Variants in PSMD11 observed in about 807,000 individuals in gnomAD.
PSMD11 encodes proteasome 26S subunit, non-ATPase 11, also known as 26S proteasome non-ATPase regulatory subunit 11.
A neutral mutation model predicts 62.3 loss-of-function variants in PSMD11; 5 were observed. That is an observed-to-expected ratio of 0.08 (90% CI 0.04 to 0.17). The LOEUF (loss-of-function observed/expected upper bound fraction) is 0.17, where lower values mean the gene tolerates loss of function less well. Among genes scored for constraint, PSMD11 ranks in the 10% least tolerant of loss-of-function variants. The probability of loss-of-function intolerance (pLI) is 1.00; values close to 1 mark genes in which losing one functional copy is unlikely to be tolerated. For synonymous variants in PSMD11, 191 were observed against 191.8 expected (o/e 1.00, Z 0.03); for missense variants, 310 against 512.9 (o/e 0.60, Z 3.82).
intron 1 of PSMD11, among the ~76,000 whole-genome samples, 195 bp from the exon 2 acceptor site, chr17:32,446,750 T>G (rs1035300181): frequency 2.0e-5 from 3 of 151,796 alleles, no homozygotes; most frequent in Non-Finnish European, 4.4e-5. Context: ...TTTTTTATGA[T>G]TTACATGGAG....
At chr17:32,468,881 T>G in intron 5 of PSMD11, 118 bp from the exon 6 acceptor site, 1 of 1,013,596 alleles carries the variant, frequency 9.9e-7, no homozygotes, top group Non-Finnish European at 1.4e-6. Flanking sequence ...AGGTAACCTT[T>G]TTTGAGTTCA....
intron 1 of PSMD11, 79 bp downstream of exon 1, chr17:32,444,693 C>T: frequency 1.9e-6 from 3 of 1,547,564 alleles, no homozygotes; most frequent in Non-Finnish European, 2.6e-6. Flanking sequence ...GAGAGGGGCC[C>T]GGCTAGCCGG....
intron 1 of PSMD11, 54 bp from the exon 2 acceptor site, chr17:32,446,891 C>A: frequency 7.9e-7 from 1 of 1,268,444 alleles, no homozygotes; most frequent in Non-Finnish European, 1.1e-6. Flanking sequence ...AAATTTCCCT[C>A]AGTCTTCATT....
intron 8 of PSMD11, among the ~76,000 whole-genome samples, chr17:32,475,602 C>CTT (rs1223197720): frequency 2.9e-5 from 4 of 136,886 alleles, no homozygotes; most frequent in Admixed American, 7.3e-5. Context: ...CCCTAATTGG[C>CTT]TTTTTTTTTT....
chr17:32,480,780 A>G lies in PSMD11; in HGVS notation c.*28A>G. On this transcript the variant is annotated 3_prime_UTR_variant, in exon 14 of 14. Coordinates refer to ENST00000261712, the MANE Select transcript of PSMD11 (RefSeq NM_002815.4). ...TTGGATCTGTAGCGGTCCTTTGGAG[A>G]GTGTGTGTGGCGGGAGAGTGAAACC... 1.2e-6 allele frequency: 1 copy of G among 864,986 alleles called. No homozygotes were observed. Among genetic ancestry groups the G allele is most frequent in the Non-Finnish European group, 1.7e-6 (1 of 586,106 alleles). The allele number at this position is 864,986 out of a possible 1,614,324, so 53.6% of individuals were successfully genotyped here. A position where few individuals can be genotyped will look rare whatever the true frequency, so the allele number is the denominator to read the frequency against.
chr17:32,474,457 A>G (rs2150838845), intron 7 of PSMD11, among the ~76,000 whole-genome samples: 1 of 152,358 alleles, frequency 6.6e-6, no homozygotes, highest in African/African-American at 2.4e-5. Context: ...CTATGTTTTA[A>G]TAATACCTGT....
chr17:32,478,739 A>G (rs573522700), intron 9 of PSMD11, among the ~76,000 whole-genome samples: 122 of 151,904 alleles, frequency 8.0e-4, no homozygotes, highest in African/African-American at 2.8e-3. Context: ...CCCCATGGAG[A>G]CCCTATTTAT....
chr17:32,475,259 T>G lies in PSMD11; in HGVS notation c.849+435T>G, dbSNP rs539482637. Among the ~76,000 whole-genome samples, 9 of 152,240 alleles carry G rather than the reference T, an allele frequency of 5.9e-5. No homozygotes were observed. The South Asian group carries it at 1.7e-3, about 28-fold the overall frequency. On this transcript the variant is annotated intron_variant, in intron 8 of 13. Transcript: ENST00000261712. ...GGTGCAGAAACTAGGTTTTGAGATT[T>G]ACTTCTGTGCTTCTCAGATCAGTAC...
chr17:32,456,045 G>T (rs934276426), intron 3 of PSMD11, among the ~76,000 whole-genome samples: 3 of 151,112 alleles, frequency 2.0e-5, no homozygotes, highest in Admixed American at 6.6e-5. Flanking sequence ...TTGGGAGGCT[G>T]AGGCAGGAGA....
intron 8 of PSMD11, among the ~76,000 whole-genome samples, chr17:32,475,359 C>T (rs1908286530): frequency 6.6e-6 from 1 of 151,448 alleles, no homozygotes; most frequent in African/African-American, 2.4e-5. Context: ...CCTTAATGCC[C>T]AAGTAGGTAT....
chr17:32,481,505 CT>C lies in PSMD11; in HGVS notation c.*768del, dbSNP rs34280753. On this transcript the variant is annotated 3_prime_UTR_variant, in exon 14 of 14. Transcript: ENST00000261712. ...CCCAAGGGGCCTGCTATGCATGTGG[CT>C]TTTTTTTTTTTTTTAAACACAGTAA... 62,063 of 144,918 alleles carry C rather than the reference CT, an allele frequency of 0.43. 13,378 individuals are homozygous for C. The highest frequency in any genetic ancestry group is 0.47 in the Non-Finnish European group (31,257 of 66,160). The allele number at this position is 144,918 out of a possible 1,614,324, so 9.0% of individuals were successfully genotyped here.
intron 5 of PSMD11, among the ~76,000 whole-genome samples, chr17:32,468,416 A>C (rs986468898): frequency 6.7e-6 from 1 of 149,908 alleles, no homozygotes; most frequent in African/African-American, 2.4e-5. Flanking sequence ...CCAAAGCCAC[A>C]GGGATTTATT....
At position 32,462,888 on chromosome 17, in the gene PSMD11, A is replaced by C. The variant is rs143096164; in HGVS notation, c.319-1161A>C. ...TTTTTAGTAAAGACAGGATTTCTCC[A>C]TGTTGGTCAGGCTGGTCTTGAACTC... On this transcript the variant is annotated intron_variant, in intron 3 of 13. Transcript: ENST00000261712. 4.5e-4 allele frequency among the ~76,000 whole-genome samples: 68 copies of C among 152,246 alleles called. No homozygotes were observed. In the East Asian group the frequency reaches 0.011, roughly 25 times the overall value.
At chr17:32,454,901 A>G (rs957711019) in intron 3 of PSMD11, 3 of 288,380 alleles carry the variant, frequency 1.0e-5, no homozygotes, top group South Asian at 4.4e-5. Context: ...ACACCTTTGT[A>G]ATGTTTTCTG....
rs543308148 is a variant in PSMD11 at position 32,466,177 on chromosome 17, AG to A, written c.448+1600del. The stretch of plus-strand genomic sequence containing the variant: ...TGCCTGGCTAATTTTTGTATCTTTT[AG>A]TAGAGATGGGGTTTCACCATTTTGG... On this transcript the variant is annotated intron_variant, in intron 5 of 13. Transcript: ENST00000261712. Among the ~76,000 whole-genome samples, 369 of 152,156 alleles carry A rather than the reference AG, an allele frequency of 2.4e-3. 1 individual carries two copies. The highest frequency in any genetic ancestry group is 7.8e-3 in the African/African-American group (322 of 41,500).
In PSMD11 at chr17:32,459,386, TTTTGTTTG is replaced by T. The variant is rs532214174; in HGVS notation, c.319-4645_319-4638del. 1.1e-4 allele frequency among the ~76,000 whole-genome samples: 16 copies of T among 151,598 alleles called. No individual in the cohort carries two copies. The East Asian group carries it at 1.9e-3, about 18-fold the overall frequency. The stretch of plus-strand genomic sequence containing the variant: ...GGTACACACCACGACGCCTGGCTAA[TTTTGTTTG>T]TTTGTTTGTTTGTTTGTATTTTTAG... On this transcript the variant is annotated intron_variant, in intron 3 of 13. Transcript: ENST00000261712.
chr17:32,470,049 G>A (rs189644836), intron 6 of PSMD11, among the ~76,000 whole-genome samples: 2 of 149,938 alleles, frequency 1.3e-5, no homozygotes, highest in Admixed American at 1.3e-4. Flanking sequence ...GTCTCACTCT[G>A]TTGCCCAGGT....
chr17:32,477,409 G>A (rs1908360436), intron 8 of PSMD11, 112 bp from the exon 9 acceptor site: 3 of 801,006 alleles, frequency 3.7e-6, no homozygotes, highest in South Asian at 5.7e-5. Flanking sequence ...ATGGTGGGGC[G>A]GGTTCTTCCT....
intron 4 of PSMD11, 46 bp from the exon 5 acceptor site, chr17:32,464,475 G>A: frequency 6.9e-7 from 1 of 1,445,162 alleles, no homozygotes; most frequent in Non-Finnish European, 9.5e-7. Flanking sequence ...ATTTCTTTCT[G>A]TGGCTTTTTC....
Sources: allele counts gnomAD v4.1 joint callset (sites outside exome capture counted in the v4.1 genomes callset), GRCh38; gene constraint gnomAD v4.1.1; transcripts MANE v1.5; gene names NCBI Gene and HGNC (gene_info 2026-07-23, HGNC 2026-07-21).